MAPK10: variants seen among roughly 807,000 people sequenced by gnomAD.
The protein encoded by MAPK10 is JNK3 alpha protein kinase.
Under a neutral mutation model 59.3 loss-of-function variants are expected in MAPK10, and 25 were observed. The observed-to-expected ratio is 0.42, with a 90% confidence interval of 0.31 to 0.59. The LOEUF (loss-of-function observed/expected upper bound fraction) is 0.59. Ranked by LOEUF, MAPK10 falls within the 20% of genes least tolerant of loss-of-function variation. The pLI, the probability that MAPK10 is intolerant of heterozygous loss-of-function variation, is 0.15. For missense variants in MAPK10, 351 were observed against 568.9 expected (o/e 0.62, Z 3.90); for synonymous variants, 190 against 200.5 (o/e 0.95, Z 0.44).
chr4:86,301,057 T>C (rs1456735045), intron 2 of MAPK10, among the ~76,000 whole-genome samples: 1 of 152,128 alleles, frequency 6.6e-6, no homozygotes, highest in Admixed American at 6.5e-5. Context: ...ACAGTCTTTG[T>C]TGTGGGGGCT....
At chr4:86,041,786 G>C (rs1329584597) in intron 11 of MAPK10, among the ~76,000 whole-genome samples, 1 of 152,164 alleles carries the variant, frequency 6.6e-6, no homozygotes, top group East Asian at 1.9e-4. Flanking sequence ...TCTCATGCCA[G>C]TTACAATGGT....
intron 1 of MAPK10, among the ~76,000 whole-genome samples, chr4:86,451,380 C>T (rs747211213): frequency 1.3e-5 from 2 of 152,038 alleles, no homozygotes; most frequent in Non-Finnish European, 2.9e-5. Context: ...TAAAGGAGAC[C>T]TTCACCAAAC....
At position 86,342,186 on chromosome 4, in the gene MAPK10, ATGGAATACG is replaced by A. The variant is rs572172271; in HGVS notation, c.-7+12335_-7+12343del. 7.2e-5 allele frequency among the ~76,000 whole-genome samples: 11 copies of A among 152,346 alleles called. 1 individual carries two copies. In the South Asian group the frequency reaches 2.3e-3, roughly 32 times the overall value. On this transcript the variant is annotated intron_variant, in intron 2 of 13. Coordinates refer to ENST00000641462, the MANE Select transcript of MAPK10 (RefSeq NM_138982.4). ...CAGAATAATGATGTCCCTGATAGCG[ATGGAATACG>A]TGACCAGAATAGAGTGATAAAAATA...
chr4:86,085,249 GATC>G (rs2051522662), intron 9 of MAPK10, among the ~76,000 whole-genome samples: 1 of 151,992 alleles, frequency 6.6e-6, no homozygotes, highest in Non-Finnish European at 1.5e-5. Flanking sequence ...GGACAAATGG[GATC>G]ATATCAAGCT....
At position 86,380,494 on chromosome 4, in the gene MAPK10, A is replaced by G. The variant is rs1275689831; in HGVS notation, c.-121-25850T>C. Reference sequence around the variant, plus strand: ...TAGATAAGGACTGCCACTGACAAACAAGCTTTTCTGACCATTTTAGCCCTG... The same window carrying G: ...TAGATAAGGACTGCCACTGACAAACGAGCTTTTCTGACCATTTTAGCCCTG... On this transcript the variant is annotated intron_variant, in intron 1 of 13. Coordinates refer to the MAPK10 transcript ENST00000361569. Among the ~76,000 whole-genome samples, 3 of 152,308 alleles carry G rather than the reference A, an allele frequency of 2.0e-5. No homozygotes were observed. In the East Asian group the frequency reaches 5.8e-4, roughly 29 times the overall value.
intron 4 of MAPK10, among the ~76,000 whole-genome samples, chr4:86,145,629 G>C (rs986715562): frequency 1.3e-5 from 2 of 152,052 alleles, no homozygotes; most frequent in African/African-American, 4.8e-5. Flanking sequence ...CTGCCTGCTT[G>C]ATGTTCCTAC....
intron 4 of MAPK10, among the ~76,000 whole-genome samples, chr4:86,157,962 G>C (rs1196270021): frequency 6.6e-6 from 1 of 151,810 alleles, no homozygotes; most frequent in Non-Finnish European, 1.5e-5. Context: ...GAGAATCTTA[G>C]TCAGGAAAAC....
chr4:86,255,013 C>A (rs1322709211), intron 2 of MAPK10, among the ~76,000 whole-genome samples: 5 of 151,722 alleles, frequency 3.3e-5, no homozygotes, highest in Middle Eastern at 3.2e-3. Flanking sequence ...AACTAATCTG[C>A]TGAATCAGAG....
intron 2 of MAPK10, among the ~76,000 whole-genome samples, chr4:86,291,711 G>A (rs2095233998): frequency 6.6e-6 from 1 of 151,924 alleles, no homozygotes; most frequent in South Asian, 2.1e-4. Context: ...AATTTATATT[G>A]CATTGGTATT....
At chr4:86,479,813 C>T (rs529642273) in intron 1 of MAPK10, among the ~76,000 whole-genome samples, 2 of 152,148 alleles carry the variant, frequency 1.3e-5, no homozygotes, top group African/African-American at 2.4e-5. Context: ...AAATTGTATC[C>T]AGGCCATCAC....
In MAPK10 at chr4:86,183,342, A is replaced by G. The variant is rs1271370723; in HGVS notation, c.66+10994T>C. 4.6e-5 allele frequency among the ~76,000 whole-genome samples: 6 copies of G among 130,302 alleles called. No homozygotes were observed. In the East Asian group the frequency reaches 1.4e-3, roughly 30 times the overall value. The allele number at this position is 130,302 out of a possible 152,430, so 85.5% of individuals were successfully genotyped here. A position where few individuals can be genotyped will look rare whatever the true frequency, so the allele number is the denominator to read the frequency against. ...GTGTGATGTTCCCCTTCCTGTGTAC[A>G]TGTGTTCTCATTGTTCAGTTCCCAT... On this transcript the variant is annotated intron_variant, in intron 3 of 13. Coordinates refer to ENST00000641462, the MANE Select transcript of MAPK10 (RefSeq NM_138982.4).
chr4:86,234,929 A>T (rs1453042321), intron 2 of MAPK10, among the ~76,000 whole-genome samples: 3 of 152,218 alleles, frequency 2.0e-5, no homozygotes, highest in Admixed American at 2.0e-4. Context: ...ATTTTCTAAA[A>T]TACATGCAGT....
intron 2 of MAPK10, among the ~76,000 whole-genome samples, chr4:86,319,717 C>T (rs2095854072): frequency 6.6e-6 from 1 of 152,174 alleles, no homozygotes; most frequent in Non-Finnish European, 1.5e-5. Flanking sequence ...CAAGCCCATT[C>T]TGAAGTACTA....
intron 1 of MAPK10, among the ~76,000 whole-genome samples, chr4:86,510,886 A>T (rs2149083475): frequency 6.6e-6 from 1 of 152,294 alleles, no homozygotes; most frequent in Admixed American, 6.5e-5. Context: ...TAGGAAGAAA[A>T]GTGGGGAGGG....
chr4:86,426,562 A>AG (rs1463162975), intron 1 of MAPK10, among the ~76,000 whole-genome samples: 1 of 152,236 alleles, frequency 6.6e-6, no homozygotes, highest in Non-Finnish European at 1.5e-5. Flanking sequence ...TCAACCCACC[A>AG]GTTCCACAAG....
At chr4:86,378,680 C>T (rs1001152652) in intron 1 of MAPK10, among the ~76,000 whole-genome samples, 2 of 152,180 alleles carry the variant, frequency 1.3e-5, no homozygotes, top group Admixed American at 1.3e-4. Flanking sequence ...CTCTGACATC[C>T]TTGAAAATTC....
chr4:86,052,883 G>A (rs1011045180), intron 11 of MAPK10, among the ~76,000 whole-genome samples: 24 of 151,922 alleles, frequency 1.6e-4, no homozygotes, highest in African/African-American at 5.8e-4. Flanking sequence ...ACGGGATTTC[G>A]CTATGCTGCC....
intron 1 of MAPK10, among the ~76,000 whole-genome samples, chr4:86,382,749 G>A (rs890937393): frequency 1.3e-5 from 2 of 152,164 alleles, no homozygotes; most frequent in African/African-American, 4.8e-5. Context: ...TCCTGTCATG[G>A]TGATTCTGCT....
intron 2 of MAPK10, among the ~76,000 whole-genome samples, chr4:86,239,638 AG>A (rs1297330235): frequency 5.3e-5 from 8 of 151,860 alleles, no homozygotes; most frequent in African/African-American, 1.9e-4. Flanking sequence ...ATTTGCTTAG[AG>A]GTGTTTATAC....
Sources: allele counts gnomAD v4.1 joint callset (sites outside exome capture counted in the v4.1 genomes callset), GRCh38; gene constraint gnomAD v4.1.1; transcripts MANE v1.5; gene names NCBI Gene and HGNC (gene_info 2026-07-23, HGNC 2026-07-21).